The following CUBN variants were observed in gnomAD, a reference collection of about 807,000 sequenced individuals.
The protein encoded by CUBN is 460 kDa receptor.
A neutral mutation model predicts 405.3 loss-of-function variants in CUBN; 282 were observed. That is an observed-to-expected ratio of 0.70 (90% CI 0.63 to 0.77). CUBN has a LOEUF of 0.77. Among genes scored for constraint, CUBN ranks in the 30% least tolerant of loss-of-function variants. CUBN has a pLI of 0.00. For synonymous variants in CUBN, 1,684 were observed against 1,617.0 expected (o/e 1.04, Z -0.99); for missense variants, 4,514 against 4,475.2 (o/e 1.01, Z -0.25).
At chr10:16,883,052 G>C (rs1048961042) in intron 56 of CUBN, among the ~76,000 whole-genome samples, 1 of 151,240 alleles carries the variant, frequency 6.6e-6, no homozygotes, top group Non-Finnish European at 1.5e-5. Context: ...GAAAAAGAAG[G>C]AAGGAAGGAA....
chr10:16,914,835 G>A (rs907696469), intron 47 of CUBN, among the ~76,000 whole-genome samples, 197 bp downstream of exon 47: 8 of 152,008 alleles, frequency 5.3e-5, no homozygotes, highest in Non-Finnish European at 7.4e-5. Context: ...TATCTCTCTC[G>A]TGATACTAGT....
At chr10:17,099,458 A>T (rs1836448572) in intron 14 of CUBN, among the ~76,000 whole-genome samples, 1 of 152,178 alleles carries the variant, frequency 6.6e-6, no homozygotes, top group Admixed American at 6.5e-5. Flanking sequence ...TAAGGGACCA[A>T]CTAAGACTCA....
intron 28 of CUBN, among the ~76,000 whole-genome samples, chr10:17,001,832 C>A (rs956443689): frequency 5.0e-4 from 76 of 152,010 alleles, no homozygotes; most frequent in African/African-American, 1.8e-3. Context: ...TATTTTGGTA[C>A]ACAGGGTCAA....
chr10:16,879,756 G>A lies in CUBN; in HGVS notation c.8906-2659C>T, dbSNP rs533090579. On this transcript the variant is annotated intron_variant, in intron 56 of 66. Coordinates refer to ENST00000377833, the MANE Select transcript of CUBN (RefSeq NM_001081.4). ...TGGTAAATATAACAACCAACTCTCC[G>A]AGAGATTTGTGGCATTTGCCAATTT... Among the ~76,000 whole-genome samples the A allele has an allele frequency of 1.1e-4, 16 of 152,264 alleles. 1 individual carries two copies. The South Asian group carries it at 2.7e-3, about 26-fold the overall frequency.
At chr10:16,916,251 A>T (rs1449588833) in intron 45 of CUBN, among the ~76,000 whole-genome samples, 1 of 152,246 alleles carries the variant, frequency 6.6e-6, no homozygotes, top group East Asian at 1.9e-4. Flanking sequence ...CACAAGTCCA[A>T]TACAATAATG....
chr10:17,089,315 G>A (rs1836198315), intron 14 of CUBN, among the ~76,000 whole-genome samples: 2 of 152,044 alleles, frequency 1.3e-5, no homozygotes, highest in Admixed American at 1.3e-4. Context: ...TACTTTAAAA[G>A]TTACCAGTTT....
In CUBN at chr10:16,889,935, C is replaced by CAAAAAAAAAAAAAAAA. The variant is rs1554788544; in HGVS notation, c.8755+420_8755+435dup. ...CTGGCGACAGAGTGAGACGCCGTGT[C>CAAAAAAAAAAAAAAAA]AAAAAAAAAAAAAAAAAACAGGAAA... On this transcript the variant is annotated intron_variant, in intron 55 of 66. Transcript: ENST00000377833. 1.6e-3 allele frequency among the ~76,000 whole-genome samples: 32 copies of CAAAAAAAAAAAAAAAA among 19,900 alleles called. 6 individuals carry two copies. The highest frequency in any genetic ancestry group is 4.6e-3 in the African/African-American group (22 of 4,824). The allele number at this position is 19,900 out of a possible 152,430, so 13.1% of individuals were successfully genotyped here. A position where few individuals can be genotyped will look rare whatever the true frequency, so the allele number is the denominator to read the frequency against.
At chr10:16,923,330 C>T (rs1810206) in intron 43 of CUBN, among the ~76,000 whole-genome samples, 46,790 of 151,680 alleles carry the variant, frequency 0.31, 7,491 homozygotes, top group Non-Finnish European at 0.34. Flanking sequence ...TCAACCATAG[C>T]GAAGGAGTGT....
rs746474293 is a variant in CUBN at position 16,940,186 on chromosome 10, G to A, written c.5394C>T (p.Ile1798=). 14 of 1,614,112 alleles carry A rather than the reference G, an allele frequency of 8.7e-6. No homozygotes were observed. The South Asian group carries it at 1.5e-4, about 18-fold the overall frequency. The change falls in exon 37 of 67, where the codon ATC becomes ATT. Residue 1798 remains isoleucine, a synonymous_variant. Transcript: ENST00000377833. ...SQDCSRDFVE[I]REGNATGHLV... ...AGTGACCCGTGGCATTTCCTTCACG[G>A]ATCTCCACAAAATCTCTGCTGCAGT... is the stretch of plus-strand genomic sequence containing the variant.
intron 36 of CUBN, among the ~76,000 whole-genome samples, chr10:16,946,490 C>CTTTTT (rs775415655): frequency 8.3e-6 from 1 of 121,074 alleles, no homozygotes; most frequent in Non-Finnish European, 1.7e-5. Context: ...AAAACCATTC[C>CTTTTT]TTTTTTTTTT....
chr10:17,089,391 C>A (rs1199189266), intron 14 of CUBN, among the ~76,000 whole-genome samples: 2 of 152,130 alleles, frequency 1.3e-5, no homozygotes, highest in East Asian at 3.9e-4. Flanking sequence ...ATGCAATATG[C>A]AACAAAGAGT....
At chr10:17,087,842 G>A (rs1836158141) in intron 15 of CUBN, among the ~76,000 whole-genome samples, 1 of 152,124 alleles carries the variant, frequency 6.6e-6, no homozygotes, top group Non-Finnish European at 1.5e-5. Context: ...CTGAAGGTTT[G>A]AATCTGCATT....
chr10:17,115,555 G>C lies in CUBN; in HGVS notation c.636C>G (p.Ser212=). The change falls in exon 7 of 67, where the codon TCC becomes TCG. Residue 212 remains serine (S), a synonymous_variant. Transcript: ENST00000377833. The stretch of plus-strand genomic sequence containing the variant: ...AACCCCCTTCACAGTCGTCATATTT[G>C]GATGCACACTGGGGTCCGTACGTCT... ...PPETYGPQCA[S]KYDDCEGGSV... 6.2e-7 allele frequency: 1 copy of C among 1,614,180 alleles called. No homozygotes were observed. The highest frequency in any genetic ancestry group is 2.2e-5 in the East Asian group (1 of 44,886).
chr10:16,879,251 G>A (rs551963025), intron 56 of CUBN, among the ~76,000 whole-genome samples: 1 of 152,256 alleles, frequency 6.6e-6, no homozygotes, highest in Admixed American at 6.5e-5. Context: ...TTTAATTTTA[G>A]CCATTCTGGT....
rs1353592024 is a variant in CUBN, at chr10:16,824,063, T to C, written c.*912A>G. On this transcript the variant is annotated 3_prime_UTR_variant, in exon 67 of 67. Coordinates refer to ENST00000377833, the MANE Select transcript of CUBN (RefSeq NM_001081.4). ...TTAACTTTTGTTGTTCTTGTTGTCATTTTTGAGATAGGGTCTCAGTCTGTC... is the reference window on the plus strand; with the variant it reads ...TTAACTTTTGTTGTTCTTGTTGTCACTTTTGAGATAGGGTCTCAGTCTGTC... 1 of 152,210 alleles carries C rather than the reference T, an allele frequency of 6.6e-6. No individual in the cohort carries two copies. Among genetic ancestry groups the C allele is most frequent in the African/African-American group, 2.4e-5 (1 of 41,444 alleles). The allele number at this position is 152,210 out of a possible 1,614,324, so 9.4% of individuals were successfully genotyped here.
Position 17,122,875 on chromosome 10 carries a change from A to G in CUBN, c.513T>C (p.Val171=), listed in dbSNP as rs1837078233. 5 of 1,613,918 alleles carry G rather than the reference A, an allele frequency of 3.1e-6. No homozygotes were observed. The East Asian group carries it at 6.7e-5, about 22-fold the overall frequency. Reference sequence around the variant, plus strand: ...TTCCTGAGTAAATCTCACATTCGTTAACATCAGCTGAGCAGAGAGGACCCT... The same window carrying G: ...TTCCTGAGTAAATCTCACATTCGTTGACATCAGCTGAGCAGAGAGGACCCT... ...QWKGPLCSAD[V]NECEIYSGTP... is the part of the protein sequence containing the mutation. The change falls in exon 6 of 67, where the codon GTT becomes GTC. Residue 171 remains valine (V), a synonymous_variant. Transcript: ENST00000377833.
intron 63 of CUBN, 52 bp from the exon 64 acceptor site, chr10:16,835,247 C>G (rs1564376637): frequency 7.2e-7 from 1 of 1,383,870 alleles, no homozygotes; most frequent in South Asian, 1.2e-5. Flanking sequence ...ATTTAGTGCT[C>G]TTTCAACTTC....
chr10:17,061,008 C>T (rs1357981774), intron 22 of CUBN, among the ~76,000 whole-genome samples: 2 of 152,116 alleles, frequency 1.3e-5, no homozygotes, highest in Non-Finnish European at 2.9e-5. Flanking sequence ...GAGATATTGC[C>T]ATTGCACTCC....
intron 27 of CUBN, among the ~76,000 whole-genome samples, chr10:17,032,656 ACTCT>A (rs1268547546): frequency 6.6e-6 from 1 of 152,144 alleles, no homozygotes; most frequent in Non-Finnish European, 1.5e-5. Flanking sequence ...GATGCGAATA[ACTCT>A]CTAATGCCTC....
Sources: allele counts gnomAD v4.1 joint callset (sites outside exome capture counted in the v4.1 genomes callset), GRCh38; gene constraint gnomAD v4.1.1; transcripts MANE v1.5; gene names NCBI Gene and HGNC (gene_info 2026-07-23, HGNC 2026-07-21).